The following FGF14 variants were observed in gnomAD, a reference collection of about 807,000 sequenced individuals.
FGF14 encodes the protein fibroblast growth factor homologous factor 4.
FGF14 carries 5 observed loss-of-function variants against 25.5 expected under a neutral mutation model. The ratio of observed to expected loss-of-function variants is 0.20; its 90% CI spans 0.10 to 0.41. The LOEUF (loss-of-function observed/expected upper bound fraction) is 0.41. FGF14 is among the 10% of genes least tolerant of loss of function. The pLI is 1.00. For missense variants in FGF14, 222 were observed against 320.1 expected (o/e 0.69, Z 2.34); for synonymous variants, 138 against 118.3 (o/e 1.17, Z -1.08).
intron 1 of FGF14, among the ~76,000 whole-genome samples, chr13:102,044,971 C>G (rs183699514): frequency 6.6e-6 from 1 of 152,282 alleles, no homozygotes; most frequent in African/African-American, 2.4e-5. Flanking sequence ...CATCCTCATT[C>G]TTATACAAGG....
At chr13:101,930,671 A>T (rs2034693325) in intron 1 of FGF14, among the ~76,000 whole-genome samples, 1 of 152,192 alleles carries the variant, frequency 6.6e-6, no homozygotes, top group Non-Finnish European at 1.5e-5. Flanking sequence ...CAATCCTTGC[A>T]TATCATTGTA....
Position 102,024,557 on chromosome 13 carries a change from T to C in FGF14, c.209-149261A>G, listed in dbSNP as rs377148165. On this transcript the variant is annotated intron_variant, in intron 1 of 4. Transcript: ENST00000376131. ...CTTGTAAATATTTCCTTCCATAATA[T>C]GAAGCGTTTTTCACTTTTTGATGGT... is the stretch of plus-strand genomic sequence containing the variant. Among the ~76,000 whole-genome samples, 21 of 152,176 alleles carry C rather than the reference T, an allele frequency of 1.4e-4. No homozygotes were observed. The East Asian group carries it at 4.1e-3, about 30-fold the overall frequency.
intron 1 of FGF14, among the ~76,000 whole-genome samples, chr13:102,129,281 A>ATGG (rs1178330543): frequency 3.3e-5 from 5 of 151,998 alleles, no homozygotes; most frequent in African/African-American, 1.2e-4. Flanking sequence ...AAAGAAATTA[A>ATGG]AACTTCCCTT....
At chr13:101,997,580 C>A (rs2039251603) in intron 1 of FGF14, among the ~76,000 whole-genome samples, 1 of 152,184 alleles carries the variant, frequency 6.6e-6, no homozygotes, top group African/African-American at 2.4e-5. Flanking sequence ...TCTAGAGGTT[C>A]TGATTCAGTA....
intron 1 of FGF14, among the ~76,000 whole-genome samples, chr13:102,094,964 G>T (rs2044324124): frequency 6.6e-6 from 1 of 152,108 alleles, no homozygotes; most frequent in African/African-American, 2.4e-5. Context: ...GACTCATTAT[G>T]CATGGTACTT....
At chr13:102,161,716 A>G (rs1044593713) in intron 1 of FGF14, among the ~76,000 whole-genome samples, 59 of 149,868 alleles carry the variant, frequency 3.9e-4, no homozygotes, top group Admixed American at 6.7e-4. Flanking sequence ...GAAGAAGAAG[A>G]AGAAGAAGAA....
intron 3 of FGF14, among the ~76,000 whole-genome samples, chr13:101,796,229 T>C (rs931578436): frequency 1.3e-5 from 2 of 152,090 alleles, no homozygotes; most frequent in African/African-American, 2.4e-5. Flanking sequence ...ATTACTAAAA[T>C]TCATTTCTTT....
chr13:102,221,742 T>C (rs2050622740), intron 1 of FGF14, among the ~76,000 whole-genome samples: 2 of 152,326 alleles, frequency 1.3e-5, no homozygotes, highest in African/African-American at 2.4e-5. Flanking sequence ...ATTGCAAATG[T>C]AGAATTACAG....
chr13:101,852,319 A>G (rs1190771167), intron 3 of FGF14, among the ~76,000 whole-genome samples: 3 of 152,108 alleles, frequency 2.0e-5, no homozygotes, highest in African/African-American at 7.2e-5. Flanking sequence ...AATACATATC[A>G]TAATTCCTAA....
rs543701679 is a variant in FGF14 at position 102,131,047 on chromosome 13, G to C, written c.209-255751C>G. 7.9e-5 allele frequency among the ~76,000 whole-genome samples: 12 copies of C among 152,276 alleles called. No individual in the cohort carries two copies. The South Asian group carries it at 2.3e-3, about 29-fold the overall frequency. ...ATTGTGGACAGTCAACACACCTAAA[G>C]AGTGTGACTCAAAACTAATTGAAAT... On this transcript the variant is annotated intron_variant, in intron 1 of 4. Transcript: ENST00000376131.
chr13:102,172,546 C>T (rs1473962613), intron 1 of FGF14, among the ~76,000 whole-genome samples: 1 of 152,072 alleles, frequency 6.6e-6, no homozygotes, highest in Non-Finnish European at 1.5e-5. Context: ...TCAGAAACCT[C>T]CTAATATGAC....
At chr13:101,731,354 A>G (rs757536505) in intron 3 of FGF14, among the ~76,000 whole-genome samples, 15 of 152,164 alleles carry the variant, frequency 9.9e-5, no homozygotes, top group Non-Finnish European at 2.1e-4. Flanking sequence ...CTCCTTGACT[A>G]TGTTTAGAAC....
At chr13:102,042,043 C>A (rs191966657) in intron 1 of FGF14, among the ~76,000 whole-genome samples, 14 of 152,276 alleles carry the variant, frequency 9.2e-5, no homozygotes, top group Non-Finnish European at 1.6e-4. Context: ...CGAACATACT[C>A]AAAGAAGAGC....
intron 3 of FGF14, among the ~76,000 whole-genome samples, chr13:101,830,277 G>A (rs979049645): frequency 6.6e-6 from 1 of 151,990 alleles, no homozygotes; most frequent in South Asian, 2.1e-4. Context: ...CCTGGGCCTG[G>A]GAGAGGAGGC....
intron 1 of FGF14, chr13:102,292,681 C>T (rs1348419701): frequency 6.6e-6 from 1 of 152,216 alleles, no homozygotes; most frequent in African/African-American, 2.4e-5. Flanking sequence ...GCCTGAGACT[C>T]AGCAGGATGA....
rs568873711 is a variant in FGF14 at position 102,165,465 on chromosome 13, C to T, written c.208+236006G>A. On this transcript the variant is annotated intron_variant, in intron 1 of 4. Coordinates refer to the FGF14 transcript ENST00000376131. ...GTTAAGAAAATGTGGCACATATACA[C>T]CATGGAATACTATGCAGCCATAAAA... Among the ~76,000 whole-genome samples the T allele has an allele frequency of 5.4e-4, 82 of 151,970 alleles. 3 individuals are homozygous for T. The South Asian group carries it at 0.016, about 30-fold the overall frequency.
intron 3 of FGF14, among the ~76,000 whole-genome samples, chr13:101,784,752 G>A (rs2390651): frequency 6.6e-6 from 1 of 152,248 alleles, no homozygotes; most frequent in East Asian, 1.9e-4. Flanking sequence ...ATGTGTTTAT[G>A]AAACACCTGC....
chr13:102,262,126 C>G (rs567577306), intron 1 of FGF14, among the ~76,000 whole-genome samples: 1 of 152,186 alleles, frequency 6.6e-6, no homozygotes, highest in African/African-American at 2.4e-5. Flanking sequence ...ATTGGGAAAA[C>G]CTTTTTTTCA....
At chr13:102,062,588 T>G (rs2042736094) in intron 1 of FGF14, among the ~76,000 whole-genome samples, 1 of 152,128 alleles carries the variant, frequency 6.6e-6, no homozygotes, top group African/African-American at 2.4e-5. Flanking sequence ...TAGAGGCCAT[T>G]TTCAAATTAT....
Sources: gnomAD v4.1 joint callset for allele counts (sites outside exome capture counted in the v4.1 genomes callset) on GRCh38, gnomAD v4.1.1 for gene constraint, MANE v1.5 for transcripts, NCBI Gene and HGNC (gene_info 2026-07-23, HGNC 2026-07-21) for gene names.